Variants in PHLDB2 observed in about 807,000 individuals in gnomAD.
PHLDB2 encodes pleckstrin homology-like domain family B member 2.
PHLDB2 carries 71 observed loss-of-function variants against 123.6 expected under a neutral mutation model. The observed-to-expected ratio is 0.57, with a 90% confidence interval of 0.47 to 0.70. PHLDB2 has a LOEUF of 0.70. PHLDB2 is among the 30% of genes least tolerant of loss of function. The pLI is 0.00. For missense variants in PHLDB2, 1,446 were observed against 1,519.5 expected, an observed-to-expected ratio of 0.95 and a Z score of 0.80; for synonymous variants, 547 against 541.6, an observed-to-expected ratio of 1.01 and a Z score of -0.14.
At position 111,800,899 on chromosome 3, in the gene PHLDB2, A is replaced by G. The variant is rs186421830; in HGVS notation, c.-48-44922A>G. Among the ~76,000 whole-genome samples the G allele has an allele frequency of 3.3e-3, 499 of 152,356 alleles. 2 individuals carry two copies. Among genetic ancestry groups the G allele is most frequent in the Middle Eastern group, 6.8e-3 (2 of 294 alleles). ...GGAAGATTTCTAAGAAGTTATGCCA[A>G]TTAAGATAAATCTTGAAAAGATGAA... is the stretch of plus-strand genomic sequence containing the variant. On this transcript the variant is annotated intron_variant, in intron 1 of 17. Coordinates refer to the PHLDB2 transcript ENST00000393923.
At chr3:111,767,678 A>G (rs1173315718) in intron 1 of PHLDB2, among the ~76,000 whole-genome samples, 1 of 152,236 alleles carries the variant, frequency 6.6e-6, no homozygotes, top group East Asian at 1.9e-4. Flanking sequence ...TGAAAGCTCA[A>G]TAAATGATGA....
At chr3:111,774,916 T>C (rs1426289216) in intron 1 of PHLDB2, among the ~76,000 whole-genome samples, 1 of 152,192 alleles carries the variant, frequency 6.6e-6, no homozygotes, top group African/African-American at 2.4e-5. Context: ...ATACTCTCGA[T>C]GGATTGGATT....
intron 1 of PHLDB2, among the ~76,000 whole-genome samples, chr3:111,738,834 G>A (rs2059552318): frequency 6.6e-6 from 1 of 152,152 alleles, no homozygotes; most frequent in Admixed American, 6.5e-5. Context: ...GAAAGAATCA[G>A]AAGTGTTAAC....
chr3:111,965,403 C>T (rs2071688411), intron 13 of PHLDB2, among the ~76,000 whole-genome samples: 1 of 152,186 alleles, frequency 6.6e-6, no homozygotes, highest in South Asian at 2.1e-4. Flanking sequence ...ACTGTATGCC[C>T]TGTGTTCTCT....
At chr3:111,845,839 T>G (rs1481638421) in exon 2 of PHLDB2, 18 of 1,614,002 alleles carry the variant, frequency 1.1e-5, no homozygotes, top group Non-Finnish European at 1.4e-5. Flanking sequence ...TGATCCCAGT[T>G]TATCCTTTGA....
At chr3:111,961,302 G>T (rs1163033694) in intron 12 of PHLDB2, among the ~76,000 whole-genome samples, 1 of 152,180 alleles carries the variant, frequency 6.6e-6, no homozygotes, top group East Asian at 1.9e-4. Context: ...CTGCACTCCA[G>T]CCTGGTGACA....
chr3:111,956,801 C>T (rs143148276), intron 12 of PHLDB2, among the ~76,000 whole-genome samples: 26 of 152,230 alleles, frequency 1.7e-4, no homozygotes, highest in African/African-American at 5.5e-4. Context: ...ACAAAAAACC[C>T]AGGAGGGATG....
chr3:111,732,730 C>G, intron 1 of PHLDB2: 1 of 1,512,122 alleles, frequency 6.6e-7, no homozygotes, highest in Non-Finnish European at 8.9e-7. Flanking sequence ...GTCACTGGCC[C>G]TTCTCTTGTA....
intron 1 of PHLDB2, among the ~76,000 whole-genome samples, chr3:111,793,057 C>T (rs1348119609): frequency 6.6e-6 from 1 of 152,196 alleles, no homozygotes; most frequent in East Asian, 1.9e-4. Flanking sequence ...TCCCTCAAAG[C>T]CCAAGGGCTC....
Position 111,967,768 on chromosome 3 carries a change from C to T in PHLDB2, c.3259C>T (p.Gln1087Ter), listed in dbSNP as rs1051857981. 6.2e-7 allele frequency: 1 copy of T among 1,612,766 alleles called. No homozygotes were observed. The highest frequency in any genetic ancestry group is 8.5e-7 in the Non-Finnish European group (1 of 1,179,486). ...LEKRLQEETSQRQKLIEKEVK... is the reference protein window; with the variant it reads ...LEKRLQEETS The stretch of plus-strand genomic sequence containing the variant: ...AAAACGATTACAGGAAGAAACTAGC[C>T]AGAGGCAGAAGTTAATAGAAAAGGA... The change falls in exon 15 of 18, where the codon CAG (glutamine) becomes TAG (stop). Residue 1087 changes from glutamine to a stop codon, truncating the protein, a stop_gained. Transcript: ENST00000431670. LOFTEE classifies it high-confidence loss of function.
rs1422542284 is a variant in PHLDB2, at chr3:111,974,554, C to G, written c.3753C>G (p.Phe1251Leu). The change falls in exon 18 of 18, where the codon TTC (phenylalanine) becomes TTG (leucine). Residue 1251 changes from phenylalanine (F) to leucine (L), a missense_variant. Coordinates refer to ENST00000431670, the MANE Select transcript of PHLDB2 (RefSeq NM_001134438.2). ...IVTGAEGYTH[F>L]LL ...CGGGGGCAGAAGGTTACACTCACTT[C>G]TTGTTGTAGTGAACTGAGGCAACAG... The G allele has an allele frequency of 6.2e-7, 1 of 1,611,628 alleles. No individual in the cohort carries two copies. Among genetic ancestry groups the G allele is most frequent in the Admixed American group, 1.7e-5 (1 of 59,668 alleles).
intron 2 of PHLDB2, among the ~76,000 whole-genome samples, chr3:111,894,920 T>C (rs2066729579): frequency 7.1e-6 from 1 of 141,084 alleles, no homozygotes; most frequent in South Asian, 2.3e-4. Context: ...TCTCTACAAA[T>C]TGCTGGTTTG....
intron 5 of PHLDB2, among the ~76,000 whole-genome samples, chr3:111,929,070 T>C (rs921714818): frequency 6.6e-6 from 1 of 152,084 alleles, no homozygotes; most frequent in Non-Finnish European, 1.5e-5. Flanking sequence ...AAGACCACCC[T>C]GGGAAACATA....
intron 1 of PHLDB2, among the ~76,000 whole-genome samples, chr3:111,781,971 A>T (rs1334081719): frequency 2.6e-5 from 4 of 151,998 alleles, no homozygotes; most frequent in Non-Finnish European, 5.9e-5. Context: ...CCAGAATGCA[A>T]CCTGCCTATT....
At chr3:111,735,257 T>C (rs4309695) in intron 1 of PHLDB2, among the ~76,000 whole-genome samples, 2,046 of 152,296 alleles carry the variant, frequency 0.013, 54 homozygotes, top group African/African-American at 0.046. Flanking sequence ...CAGTCCCTCC[T>C]GTCAAGGCTC....
chr3:111,884,680 G>T lies in PHLDB2; in HGVS notation c.603G>T (p.Met201Ile). Reference protein sequence around the residue: ...PPISRSGAASMPSSPKQARKM... With the variant: ...PPISRSGAASIPSSPKQARKM... ...TCAGCAGATCGGGAGCCGCAAGCATGCCTTCAAGCCCAAAGCAAGCCAGGA... is the reference window on the plus strand; with the variant it reads ...TCAGCAGATCGGGAGCCGCAAGCATTCCTTCAAGCCCAAAGCAAGCCAGGA... The change falls in exon 2 of 18, where the codon ATG becomes ATT. Residue 201 changes from methionine (M) to isoleucine (I), a missense_variant. Physicochemically the swap from Met to Ile is conservative, Grantham distance 10. Around this residue, in one of 3 missense-constraint regions of PHLDB2, gnomAD observed 832 missense variants for 831.9 expected, o/e 1.00. Transcript: ENST00000431670. The T allele has an allele frequency of 1.2e-6, 2 of 1,614,138 alleles. No homozygotes were observed. The highest frequency in any genetic ancestry group is 1.7e-6 in the Non-Finnish European group (2 of 1,180,026).
At position 111,920,324 on chromosome 3, in the gene PHLDB2, G is replaced by C; in HGVS notation, c.1906G>C (p.Glu636Gln). ...TCTTTTGGATGGAGAACAGAAATCTGAAACAACTGAACTTATGAAGGAGAA... is the reference window on the plus strand; with the variant it reads ...TCTTTTGGATGGAGAACAGAAATCTCAAACAACTGAACTTATGAAGGAGAA... ...CALLDGEQKSETTELMKEKEI... is the reference protein window; with the variant it reads ...CALLDGEQKSQTTELMKEKEI... The change falls in exon 5 of 18, where the codon GAA (glutamate) becomes CAA (glutamine). Residue 636 changes from glutamate to glutamine, a missense_variant. Physicochemically the swap from Glu to Gln is conservative, Grantham distance 29. Around this residue, in one of 3 missense-constraint regions of PHLDB2, gnomAD observed 832 missense variants for 831.9 expected, o/e 1.00. Coordinates refer to ENST00000431670, the MANE Select transcript of PHLDB2 (RefSeq NM_001134438.2). 1 of 1,613,898 alleles carries C rather than the reference G, an allele frequency of 6.2e-7. No individual in the cohort carries two copies. Among genetic ancestry groups the C allele is most frequent in the East Asian group, 2.2e-5 (1 of 44,870 alleles).
chr3:111,796,042 G>A (rs1404954434), intron 1 of PHLDB2, among the ~76,000 whole-genome samples: 2 of 151,872 alleles, frequency 1.3e-5, no homozygotes, highest in Admixed American at 1.3e-4. Context: ...GATTACAGGC[G>A]CCCGCCACCA....
intron 2 of PHLDB2, among the ~76,000 whole-genome samples, chr3:111,887,222 G>GT (rs2066225656): frequency 1.3e-5 from 2 of 152,184 alleles, no homozygotes; most frequent in African/African-American, 2.4e-5. Flanking sequence ...TGCCTGTAAG[G>GT]TTGGGCCTGT....
Sources: gnomAD v4.1 joint callset for allele counts (sites outside exome capture counted in the v4.1 genomes callset) on GRCh38, gnomAD v4.1.1 for gene constraint, gnomAD v4.1.1 regional missense constraint, MANE v1.5 for transcripts, NCBI Gene and HGNC (gene_info 2026-07-23, HGNC 2026-07-21) for gene names.